Variants in FRMPD4 observed in about 807,000 individuals in gnomAD.
FRMPD4 encodes FERM and PDZ domain-containing protein 4.
A neutral mutation model predicts 94.1 loss-of-function variants in FRMPD4; 22 were observed. That is an observed-to-expected ratio of 0.23 (90% CI 0.17 to 0.33). The LOEUF (loss-of-function observed/expected upper bound fraction) is 0.33, where lower values mean the gene tolerates loss of function less well. Ranked by LOEUF, FRMPD4 falls within the 10% of genes least tolerant of loss-of-function variation. FRMPD4 has a pLI of 1.00. For missense variants in FRMPD4, 1,111 were observed against 1,339.9 expected (o/e 0.83, Z 2.67); for synonymous variants, 631 against 548.6 (o/e 1.15, Z -2.10).
chrX:12,128,806 G>C (rs1040245649), intron 3 of FRMPD4, among the ~76,000 whole-genome samples: 2 of 112,025 alleles, frequency 1.8e-5, no homozygotes, highest in Non-Finnish European at 3.8e-5. Context: ...TCTTCTGCCA[G>C]ATACCCTAAA....
At chrX:12,075,579 G>A (rs949936401) in intron 3 of FRMPD4, among the ~76,000 whole-genome samples, 6 of 112,301 alleles carry the variant, frequency 5.3e-5, no homozygotes, top group Non-Finnish European at 1.1e-4. Context: ...CCTTGTCTGC[G>A]GTACTGCAGT....
intron 1 of FRMPD4, among the ~76,000 whole-genome samples, chrX:12,166,855 T>C (rs1484072767): frequency 8.9e-6 from 1 of 111,991 alleles, no homozygotes; most frequent in Non-Finnish European, 1.9e-5. Context: ...GTTTATAGTA[T>C]TCCCTGATGG....
intron 2 of FRMPD4, among the ~76,000 whole-genome samples, chrX:12,590,222 A>G (rs899781796): frequency 1.5e-4 from 17 of 112,337 alleles, no homozygotes; most frequent in Non-Finnish European, 2.8e-4. Context: ...GGAGACTTTA[A>G]TATGATTTCC....
At chrX:11,829,400 T>C (rs2053462427) in intron 1 of FRMPD4, among the ~76,000 whole-genome samples, 1 of 111,418 alleles carries the variant, frequency 9.0e-6, no homozygotes, top group Admixed American at 9.6e-5. Context: ...AAGAGAAATA[T>C]AAAGTAAACT....
At chrX:11,913,159 T>C in intron 3 of FRMPD4, among the ~76,000 whole-genome samples, 1 of 112,392 alleles carries the variant, frequency 8.9e-6, no homozygotes, top group Non-Finnish European at 1.9e-5. Flanking sequence ...GAGAGCCAGA[T>C]AACATGCACA....
At chrX:11,913,161 A>G (rs1199245628) in intron 3 of FRMPD4, among the ~76,000 whole-genome samples, 1 of 112,262 alleles carries the variant, frequency 8.9e-6, no homozygotes, top group Non-Finnish European at 1.9e-5. Flanking sequence ...GAGCCAGATA[A>G]CATGCACATT....
chrX:12,687,290 A>T (rs2060035198), intron 7 of FRMPD4, among the ~76,000 whole-genome samples: 1 of 112,258 alleles, frequency 8.9e-6, no homozygotes. Flanking sequence ...TGAAATATTA[A>T]CTTCCTTCAT....
chrX:12,161,663 C>T (rs1300301209), intron 1 of FRMPD4, among the ~76,000 whole-genome samples: 1 of 111,872 alleles, frequency 8.9e-6, no homozygotes, highest in Non-Finnish European at 1.9e-5. Context: ...CTTGTAACCA[C>T]TTTCTATACT....
chrX:12,316,249 C>G (rs889047222), intron 1 of FRMPD4, among the ~76,000 whole-genome samples: 8 of 111,375 alleles, frequency 7.2e-5, no homozygotes, highest in Non-Finnish European at 1.9e-5. Flanking sequence ...TGGGTTCAAG[C>G]TATTCTCCTG....
chrX:12,254,178 A>G (rs931154142), intron 1 of FRMPD4, among the ~76,000 whole-genome samples: 1 of 112,009 alleles, frequency 8.9e-6, no homozygotes, highest in Non-Finnish European at 1.9e-5. Context: ...ATTAAGTGTT[A>G]GAATTTATAG....
At chrX:12,330,565 T>C (rs944603529) in intron 1 of FRMPD4, among the ~76,000 whole-genome samples, 4 of 111,250 alleles carry the variant, frequency 3.6e-5, no homozygotes, top group Admixed American at 9.6e-5. Flanking sequence ...TTAGGACCAC[T>C]TTGGTGGTGG....
chrX:12,213,823 C>A (rs752908014), intron 1 of FRMPD4, among the ~76,000 whole-genome samples: 127 of 111,958 alleles, frequency 1.1e-3, no homozygotes, highest in Non-Finnish European at 2.1e-3. Context: ...GGTGAGGTGA[C>A]TTCTTGATTA....
chrX:11,849,739 A>T (rs1445053999), intron 1 of FRMPD4, among the ~76,000 whole-genome samples: 1 of 110,045 alleles, frequency 9.1e-6, no homozygotes, highest in South Asian at 3.9e-4. Context: ...AGAACAATGA[A>T]CTTGGACCTT....
Position 11,863,235 on chromosome X carries a change from T to C in FRMPD4, c.-160-1851T>C, listed in dbSNP as rs751279701. Among the ~76,000 whole-genome samples, 22 of 108,286 alleles carry C rather than the reference T, an allele frequency of 2.0e-4. 1 individual carries two copies. The South Asian group carries it at 8.5e-3, about 42-fold the overall frequency. 94.0% of individuals were successfully genotyped at this position (108,286 alleles called of 115,157 possible). On this transcript the variant is annotated intron_variant, in intron 1 of 18. Coordinates refer to the FRMPD4 transcript ENST00000640291. ...CCCTTCCTGTGTCCATGTGTTCTCATTGTTCAGTTCCCATCTATGAGTGAG... is the reference window on the plus strand; with the variant it reads ...CCCTTCCTGTGTCCATGTGTTCTCACTGTTCAGTTCCCATCTATGAGTGAG...
At chrX:12,354,719 T>C (rs1384256999) in intron 1 of FRMPD4, among the ~76,000 whole-genome samples, 1 of 112,259 alleles carries the variant, frequency 8.9e-6, no homozygotes, top group Non-Finnish European at 1.9e-5. Context: ...TAGTTCACTG[T>C]GATTATTTTT....
chrX:12,423,963 A>G (rs1185259118), intron 1 of FRMPD4, among the ~76,000 whole-genome samples: 2 of 112,268 alleles, frequency 1.8e-5, no homozygotes, highest in African/African-American at 6.5e-5. Flanking sequence ...AAAAGAAAAA[A>G]GGAACAAAAA....
intron 1 of FRMPD4, among the ~76,000 whole-genome samples, chrX:12,178,417 T>C (rs761854497): frequency 8.9e-6 from 1 of 112,265 alleles, no homozygotes; most frequent in Non-Finnish European, 1.9e-5. Context: ...GCTACTCTAG[T>C]CTGCATGATA....
chrX:12,370,157 A>G (rs984109439), intron 1 of FRMPD4, among the ~76,000 whole-genome samples: 10 of 111,548 alleles, frequency 9.0e-5, no homozygotes, highest in African/African-American at 3.3e-4. Flanking sequence ...TTTGCTTCCA[A>G]TTGGTCACTT....
chrX:11,824,726 T>C (rs2053431541), intron 1 of FRMPD4, among the ~76,000 whole-genome samples: 1 of 111,530 alleles, frequency 9.0e-6, no homozygotes, highest in Non-Finnish European at 1.9e-5. Flanking sequence ...ATATGCTGGG[T>C]CCCAAATGTC....
Sources: gnomAD v4.1 joint callset for allele counts (sites outside exome capture counted in the v4.1 genomes callset) on GRCh38, gnomAD v4.1.1 for gene constraint, MANE v1.5 for transcripts, NCBI Gene and HGNC (gene_info 2026-07-23, HGNC 2026-07-21) for gene names.